CEP164: variants seen among roughly 807,000 people sequenced by gnomAD.
The protein encoded by CEP164 is centrosomal protein of 164 kDa.
A neutral mutation model predicts 182.7 loss-of-function variants in CEP164; 162 were observed. The observed-to-expected ratio is 0.89, with a 90% CI of 0.78 to 1.01. The LOEUF is 1.01. Ranked by LOEUF, CEP164 falls within the 50% of genes least tolerant of loss-of-function variation. The pLI, the probability that CEP164 is intolerant of heterozygous loss-of-function variation, is 0.00. For missense variants in CEP164, 1,735 were observed against 1,790.4 expected (o/e 0.97, Z 0.56); for synonymous variants, 661 against 690.0 (o/e 0.96, Z 0.66).
chr11:117,362,680 T>A, intron 7 of CEP164, 142 bp downstream of exon 7: 1 of 864,066 alleles, frequency 1.2e-6, no homozygotes, highest in Non-Finnish European at 1.8e-6. Context: ...TCAGTGGTAT[T>A]AATTACCTTC....
rs2045147024 is a variant in CEP164 at position 117,394,435 on chromosome 11, CTG to C, written c.2705_2706del (p.Val902GlufsTer9). ...AGGGCCCATGAACGAGAACTGGAGACTGTGAGGCAGGAGCAACACAAGCGTCT... is the reference window on the plus strand; with the variant it reads ...AGGGCCCATGAACGAGAACTGGAGACTGAGGCAGGAGCAACACAAGCGTCT... On this transcript the variant is annotated frameshift_variant, in exon 21 of 33. Coordinates refer to ENST00000278935, the MANE Select transcript of CEP164 (RefSeq NM_014956.5). LOFTEE classifies it high-confidence loss of function. This position sits in a 1 kb window ranked among gnomAD's most constrained non-coding sequence, Gnocchi z 4.0. The C allele has an allele frequency of 6.2e-7, 1 of 1,614,012 alleles. No individual in the cohort carries two copies.
In CEP164 at chr11:117,409,210, G is replaced by A. The variant is rs1306920682; in HGVS notation, c.3748+182G>A. ...CACCATCTAGGTTTGCCAGCACGTG[G>A]GGCTGAAAGGTCAGGGAAGCCCTCT... is the stretch of plus-strand genomic sequence containing the variant. On this transcript the variant is annotated intron_variant, in intron 29 of 32. Coordinates refer to ENST00000278935, the MANE Select transcript of CEP164 (RefSeq NM_014956.5). The surrounding 1 kb of genome is among the most constrained non-coding windows in gnomAD (Gnocchi z 4.4). The A allele has an allele frequency of 2.5e-6, 2 of 786,944 alleles. No homozygotes were observed. Among genetic ancestry groups the A allele is most frequent in the Non-Finnish European group, 4.0e-6 (2 of 502,182 alleles). 48.7% of individuals were successfully genotyped at this position (786,944 alleles called of 1,614,324 possible).
chr11:117,370,313 C>T (rs1441881762), intron 8 of CEP164, among the ~76,000 whole-genome samples: 2 of 152,168 alleles, frequency 1.3e-5, no homozygotes, highest in African/African-American at 4.8e-5. Context: ...ATAGTTTTTC[C>T]CCTGTTGCCT....
In CEP164 at chr11:117,375,748, A is replaced by C. The variant is rs2042675894; in HGVS notation, c.1274A>C (p.Asp425Ala). The C allele has an allele frequency of 6.2e-7, 1 of 1,613,932 alleles. No individual in the cohort carries two copies. The highest frequency in any genetic ancestry group is 8.5e-7 in the Non-Finnish European group (1 of 1,180,002). Residue 425 changes from aspartate (D) to alanine (A), a missense_variant, in exon 11 of 33, where the codon GAT becomes GCT. Asp to Ala is a moderately radical substitution (Grantham distance 126). Transcript: ENST00000278935. The part of the protein sequence containing the change: ...FRSRISEHLL[D>A]VDVLSPVLGG... Reference sequence around the variant, plus strand: ...AGCCGGATCTCGGAGCACCTGCTGGATGTTGATGTGCTTTCCCCAGTCCTG... The same window carrying C: ...AGCCGGATCTCGGAGCACCTGCTGGCTGTTGATGTGCTTTCCCCAGTCCTG...
intron 8 of CEP164, among the ~76,000 whole-genome samples, chr11:117,364,285 A>G (rs1030930084): frequency 2.0e-5 from 3 of 152,206 alleles, no homozygotes; most frequent in Non-Finnish European, 4.4e-5. Flanking sequence ...AGTTCTTTTA[A>G]ATACTTTCAA....
At chr11:117,347,634 C>T (rs916574838) in intron 4 of CEP164, among the ~76,000 whole-genome samples, 6 of 151,164 alleles carry the variant, frequency 4.0e-5, no homozygotes, top group African/African-American at 7.3e-5. Flanking sequence ...TGCTTGAACA[C>T]GGGAGGTGGA....
At chr11:117,379,210 C>A (rs1046828811) in intron 11 of CEP164, among the ~76,000 whole-genome samples, 1 of 152,140 alleles carries the variant, frequency 6.6e-6, no homozygotes, top group East Asian at 1.9e-4. Context: ...CTACAGGCAC[C>A]GGGAGGTACT....
At chr11:117,350,171 A>G (rs534165469) in intron 4 of CEP164, among the ~76,000 whole-genome samples, 26 of 152,070 alleles carry the variant, frequency 1.7e-4, no homozygotes, top group African/African-American at 6.0e-4. Context: ...GGCCTCCCAA[A>G]GTGCTGGGAT....
Position 117,394,569 on chromosome 11 carries a change from GGCCCCA to G in CEP164, c.2760+79_2760+84del, listed in dbSNP as rs955178482. The G allele has an allele frequency of 6.5e-7, 1 of 1,542,356 alleles. No homozygotes were observed. Among genetic ancestry groups the G allele is most frequent in the African/African-American group, 1.4e-5 (1 of 73,214 alleles). On this transcript the variant is annotated intron_variant, in intron 21 of 32. Coordinates refer to ENST00000278935, the MANE Select transcript of CEP164 (RefSeq NM_014956.5). The surrounding 1 kb of genome is among the most constrained non-coding windows in gnomAD (Gnocchi z 4.0). ...AGGAAGGTGCTGGGAGCAGACGCAT[GGCCCCA>G]GCAGGATGCAGCCTGACAGCTTCTG...
At chr11:117,361,275 T>C (rs1266136210) in intron 5 of CEP164, among the ~76,000 whole-genome samples, 2 of 124,800 alleles carry the variant, frequency 1.6e-5, no homozygotes, top group African/African-American at 6.3e-5. Context: ...AGAGTCTTGC[T>C]CTGTCACCTG....
chr11:117,344,297 G>C lies in CEP164; in HGVS notation c.194+20G>C. On this transcript the variant is annotated intron_variant, in intron 4 of 32. Transcript: ENST00000278935. ...ACCATGGTAAGTCAGCAGGGGGTGC[G>C]GCCACTGACTTGGCCTAGCAGAGGC... The C allele has an allele frequency of 6.4e-7, 1 of 1,555,284 alleles. No homozygotes were observed.
At chr11:117,395,430 G>T in intron 23 of CEP164, 117 bp from the exon 24 acceptor site, 1 of 1,203,288 alleles carries the variant, frequency 8.3e-7, no homozygotes, top group Non-Finnish European at 1.2e-6. Context: ...GACTTCAGTG[G>T]CTCTGAATTC....
chr11:117,355,338 A>C (rs1231535767), intron 5 of CEP164: 1 of 1,289,844 alleles, frequency 7.8e-7, no homozygotes, highest in Non-Finnish European at 1.0e-6. Flanking sequence ...AGGCAGCAGA[A>C]ACTGGGCACT....
intron 11 of CEP164, among the ~76,000 whole-genome samples, chr11:117,379,702 C>T (rs970443888): frequency 7.9e-5 from 12 of 152,064 alleles, no homozygotes; most frequent in African/African-American, 2.9e-4. Flanking sequence ...AGGAGACAGA[C>T]TTCCTAGGCA....
intron 4 of CEP164, among the ~76,000 whole-genome samples, chr11:117,347,436 C>A (rs1458993966): frequency 6.6e-6 from 1 of 151,812 alleles, no homozygotes; most frequent in Non-Finnish European, 1.5e-5. Context: ...CAAGGCTGGG[C>A]ACGGTGGCTC....
chr11:117,326,800 G>A (rs2035475152), upstream of CEP164, among the ~76,000 whole-genome samples: 1 of 152,114 alleles, frequency 6.6e-6, no homozygotes, highest in South Asian at 2.1e-4. Context: ...TATCAGGAGC[G>A]GCTCTATGAG....
intron 11 of CEP164, among the ~76,000 whole-genome samples, chr11:117,379,518 T>C (rs1165388401): frequency 2.6e-5 from 4 of 152,074 alleles, no homozygotes; most frequent in African/African-American, 9.7e-5. Context: ...GCAGAGTCTT[T>C]TCTTTTTGTT....
Position 117,345,719 on chromosome 11 carries a change from T to C in CEP164, c.194+1442T>C, listed in dbSNP as rs186294079. Among the ~76,000 whole-genome samples the C allele has an allele frequency of 2.6e-4, 39 of 151,960 alleles. No homozygotes were observed. In the East Asian group the frequency reaches 7.2e-3, roughly 28 times the overall value. ...TTTTTTTTTTGAGATGGAGTTTTGC[T>C]CTTGTTGCCCAGACTGGAGTGCAAT... On this transcript the variant is annotated intron_variant, in intron 4 of 32. Transcript: ENST00000278935.
At chr11:117,372,166 G>A (rs2042269778) in intron 9 of CEP164, among the ~76,000 whole-genome samples, 1 of 147,332 alleles carries the variant, frequency 6.8e-6, no homozygotes, top group Admixed American at 6.8e-5. Flanking sequence ...AGAGTGCAGT[G>A]GTGCAATCTT....
Sources: gnomAD v4.1 joint callset for allele counts (sites outside exome capture counted in the v4.1 genomes callset) on GRCh38, gnomAD v4.1.1 for gene constraint, Gnocchi (gnomAD v3.1) non-coding constraint, MANE v1.5 for transcripts, NCBI Gene and HGNC (gene_info 2026-07-23, HGNC 2026-07-21) for gene names.